Variants in ZNF438 observed in about 807,000 individuals in gnomAD.
The protein encoded by ZNF438 is zinc finger protein 438.
In ZNF438, 25 loss-of-function variants were observed where a neutral mutation model predicts 38.0. That is an observed-to-expected ratio of 0.66 (90% CI 0.48 to 0.92). The LOEUF is 0.92. Among genes scored for constraint, ZNF438 ranks in the 40% least tolerant of loss-of-function variants. The pLI is 0.00. For synonymous variants in ZNF438, 372 were observed against 364.1 expected (o/e 1.02, Z -0.25); for missense variants, 1,007 against 999.6 (o/e 1.01, Z -0.10).
At chr10:31,020,206 T>C (rs533259913) in intron 1 of ZNF438, among the ~76,000 whole-genome samples, 2 of 152,332 alleles carry the variant, frequency 1.3e-5, no homozygotes, top group Admixed American at 1.3e-4. Context: ...TTTAAGTACA[T>C]ATTTAGCGTG....
chr10:30,995,960 G>C (rs1482092305), intron 1 of ZNF438, among the ~76,000 whole-genome samples: 1 of 152,120 alleles, frequency 6.6e-6, no homozygotes, highest in Non-Finnish European at 1.5e-5. Context: ...ATCAATAATA[G>C]CAGAAAAAGT....
At chr10:30,881,707 T>G (rs923107754) in intron 3 of ZNF438, among the ~76,000 whole-genome samples, 1 of 152,094 alleles carries the variant, frequency 6.6e-6, no homozygotes, top group African/African-American at 2.4e-5. Context: ...GAAATCAGAC[T>G]AATGCTACTT....
chr10:30,909,900 C>T (rs1179134102), intron 2 of ZNF438, among the ~76,000 whole-genome samples: 1 of 152,204 alleles, frequency 6.6e-6, no homozygotes, highest in African/African-American at 2.4e-5. Flanking sequence ...AAAATATCCA[C>T]ACAAGTAGGG....
chr10:30,988,770 A>G (rs1052233051), intron 1 of ZNF438, among the ~76,000 whole-genome samples: 1 of 152,230 alleles, frequency 6.6e-6, no homozygotes, highest in African/African-American at 2.4e-5. Flanking sequence ...ATAAAATTAT[A>G]TAAGTTTACA....
At chr10:30,889,658 G>A (rs565833799) in intron 3 of ZNF438, among the ~76,000 whole-genome samples, 4 of 152,150 alleles carry the variant, frequency 2.6e-5, no homozygotes, top group Non-Finnish European at 5.9e-5. Flanking sequence ...TGCCCACCTC[G>A]GCCTCCCGAA....
intron 3 of ZNF438, among the ~76,000 whole-genome samples, chr10:30,903,455 A>G (rs532377002): frequency 6.6e-6 from 1 of 152,388 alleles, no homozygotes; most frequent in Non-Finnish European, 1.5e-5. Flanking sequence ...GGCCAAGGAA[A>G]TAAGAAATTT....
At chr10:30,892,655 C>T (rs1262132696) in intron 3 of ZNF438, among the ~76,000 whole-genome samples, 1 of 152,026 alleles carries the variant, frequency 6.6e-6, no homozygotes, top group Non-Finnish European at 1.5e-5. Flanking sequence ...TTCTATTCCC[C>T]CAATTCCCCT....
intron 1 of ZNF438, among the ~76,000 whole-genome samples, chr10:30,970,669 C>A (rs1435829015): frequency 6.6e-6 from 1 of 152,164 alleles, no homozygotes; most frequent in Non-Finnish European, 1.5e-5. Flanking sequence ...TCTACCAATT[C>A]CCATAAAAAT....
chr10:31,011,497 G>A (rs929756280), intron 1 of ZNF438, among the ~76,000 whole-genome samples: 1 of 152,184 alleles, frequency 6.6e-6, no homozygotes, highest in South Asian at 2.1e-4. Context: ...GAAAGACAAG[G>A]TGAGGACAAA....
intron 1 of ZNF438, among the ~76,000 whole-genome samples, chr10:30,971,964 C>T (rs1324090273): frequency 1.6e-5 from 2 of 121,336 alleles, no homozygotes; most frequent in Non-Finnish European, 1.7e-5. Context: ...AAAGTAGAGC[C>T]CTTGATTCTT....
intron 1 of ZNF438, among the ~76,000 whole-genome samples, chr10:30,992,572 C>T (rs2053615618): frequency 6.6e-6 from 1 of 152,250 alleles, no homozygotes; most frequent in East Asian, 1.9e-4. Flanking sequence ...GCCACCAAGC[C>T]CCACTAATTT....
At chr10:31,021,152 C>A (rs2133283168) in intron 1 of ZNF438, among the ~76,000 whole-genome samples, 1 of 149,244 alleles carries the variant, frequency 6.7e-6, no homozygotes, top group South Asian at 2.1e-4. Flanking sequence ...CATTTTTTAA[C>A]ATGTTATGAA....
chr10:31,002,810 T>A (rs1256358598), intron 1 of ZNF438, among the ~76,000 whole-genome samples: 1 of 152,218 alleles, frequency 6.6e-6, no homozygotes, highest in African/African-American at 2.4e-5. Context: ...GAAATGGCTA[T>A]GACCCCTACA....
At chr10:30,908,046 C>T (rs1389765656) in intron 3 of ZNF438, among the ~76,000 whole-genome samples, 5 of 152,010 alleles carry the variant, frequency 3.3e-5, no homozygotes, top group Admixed American at 6.6e-5. Context: ...TAATTTATCT[C>T]AAGATATTTT....
intron 1 of ZNF438, among the ~76,000 whole-genome samples, chr10:31,029,909 CA>C (rs1158332598): frequency 3.3e-5 from 5 of 152,218 alleles, no homozygotes; most frequent in Non-Finnish European, 7.3e-5. Context: ...GCCGAAAATA[CA>C]GTCACCTGGA....
At chr10:30,948,248 G>T (rs2047692061) in intron 1 of ZNF438, among the ~76,000 whole-genome samples, 1 of 152,144 alleles carries the variant, frequency 6.6e-6, no homozygotes, top group Non-Finnish European at 1.5e-5. Flanking sequence ...AAACCCATCT[G>T]TACATCACCA....
At chr10:30,977,110 A>T (rs975623322) in intron 1 of ZNF438, among the ~76,000 whole-genome samples, 2 of 152,214 alleles carry the variant, frequency 1.3e-5, no homozygotes, top group African/African-American at 4.8e-5. Context: ...CAAAAGCTTA[A>T]AAGTAACTTG....
chr10:30,913,411 T>C (rs1382764476), intron 2 of ZNF438, among the ~76,000 whole-genome samples: 4 of 152,000 alleles, frequency 2.6e-5, no homozygotes, highest in African/African-American at 9.7e-5. Flanking sequence ...CCCTTTCTTT[T>C]CTCTGTTTAA....
chr10:30,863,782 T>C (rs1049107239), intron 4 of ZNF438, among the ~76,000 whole-genome samples: 3 of 152,216 alleles, frequency 2.0e-5, no homozygotes, highest in Non-Finnish European at 1.5e-5. Flanking sequence ...TCCCCTCATA[T>C]TGTAGGTTCG....
Sources: allele counts gnomAD v4.1 joint callset (sites outside exome capture counted in the v4.1 genomes callset), GRCh38; gene constraint gnomAD v4.1.1; transcripts MANE v1.5; gene names NCBI Gene and HGNC (gene_info 2026-07-23, HGNC 2026-07-21).